Variants in TPCN2 observed in about 807,000 individuals in gnomAD.
TPCN2 encodes the protein two pore segment channel 2.
Under a neutral mutation model 111.4 loss-of-function variants are expected in TPCN2, and 92 were observed. The observed-to-expected ratio is 0.83, with a 90% CI of 0.70 to 0.98. The LOEUF (loss-of-function observed/expected upper bound fraction) is 0.98. Among genes scored for constraint, TPCN2 ranks in the 50% least tolerant of loss-of-function variants. TPCN2 has a pLI of 0.00. For missense variants in TPCN2, 995 were observed against 980.1 expected (o/e 1.02, Z -0.20); for synonymous variants, 405 against 414.5 (o/e 0.98, Z 0.28).
chr11:69,060,988 A>G (rs964029677), intron 5 of TPCN2, among the ~76,000 whole-genome samples: 6 of 152,182 alleles, frequency 3.9e-5, no homozygotes, highest in African/African-American at 7.2e-5. Flanking sequence ...ATGGTGATTC[A>G]CTTGGAGTGA....
chr11:69,055,455 C>A, intron 4 of TPCN2, 103 bp downstream of exon 4: 1 of 1,249,058 alleles, frequency 8.0e-7, no homozygotes, highest in Non-Finnish European at 1.1e-6. Context: ...CTGCCTTTTC[C>A]CCAGACTTTG....
At chr11:69,087,266 G>T (rs1334130797) in intron 24 of TPCN2, 60 bp downstream of exon 24, 5 of 1,501,916 alleles carry the variant, frequency 3.3e-6, no homozygotes, top group East Asian at 2.3e-5. Flanking sequence ...CAAGAGCTGG[G>T]GGGTGGAGGG....
intron 24 of TPCN2, 33 bp downstream of exon 24, chr11:69,087,239 C>G (rs371343687): frequency 2.5e-6 from 4 of 1,600,496 alleles, no homozygotes; most frequent in Admixed American, 1.7e-5. Context: ...TCTGTCTGGC[C>G]CCCTGGGATG....
At position 69,084,587 on chromosome 11, in the gene TPCN2, C is replaced by G. The variant is rs944839160; in HGVS notation, c.1761+571C>G. Reference sequence around the variant, plus strand: ...GCCTGTGACCAGGCAGGCCCCAGATCCGCGCCGTGCAGAGTGACAGGAGGC... The same window carrying G: ...GCCTGTGACCAGGCAGGCCCCAGATGCGCGCCGTGCAGAGTGACAGGAGGC... On this transcript the variant is annotated intron_variant, in intron 19 of 24. Transcript: ENST00000294309. The G allele has an allele frequency of 4.1e-6, 4 of 985,314 alleles. No individual in the cohort carries two copies. In the African/African-American group the frequency reaches 7.0e-5, roughly 17 times the overall value. The allele number at this position is 985,314 out of a possible 1,614,324, so 61.0% of individuals were successfully genotyped here.
chr11:69,059,440 G>T (rs1022137695), intron 5 of TPCN2, among the ~76,000 whole-genome samples: 1 of 152,212 alleles, frequency 6.6e-6, no homozygotes, highest in African/African-American at 2.4e-5. Context: ...ATCCACCTGT[G>T]CCTCTTCACC....
In TPCN2 at chr11:69,055,174, GGACTTTGA is replaced by G. The variant is rs1854700506; in HGVS notation, c.253_260del (p.Thr85LeufsTer95). On this transcript the variant is annotated frameshift_variant and splice_region_variant, in exon 4 of 25. Coordinates refer to ENST00000294309, the MANE Select transcript of TPCN2 (RefSeq NM_139075.4). LOFTEE classifies it high-confidence loss of function. ...TTTTCATGTTTCTGTCCCCTTTCCA[GGACTTTGA>G]GCTTCACCATCTTCTTGATCCTGTT... is the stretch of plus-strand genomic sequence containing the variant. The G allele has an allele frequency of 1.9e-6, 3 of 1,613,740 alleles. No homozygotes were observed. Among genetic ancestry groups the G allele is most frequent in the Non-Finnish European group, 2.5e-6 (3 of 1,179,902 alleles).
rs751114496 is a variant in TPCN2, at chr11:69,086,519, G to A, written c.2004-4G>A. 4.6e-5 allele frequency: 75 copies of A among 1,613,792 alleles called. 2 individuals carry two copies. The highest frequency in any genetic ancestry group is 1.6e-4 in the Middle Eastern group (1 of 6,080). ...TTCACAGGGTGGGTCTCTGTCCTCC[G>A]CAGGTGGTCCAAGATCTATTTTGTA... On this transcript the variant is annotated splice_region_variant and splice_polypyrimidine_tract_variant and intron_variant, in intron 22 of 24. Coordinates refer to ENST00000294309, the MANE Select transcript of TPCN2 (RefSeq NM_139075.4).
chr11:69,058,169 C>A (rs776569137), intron 5 of TPCN2, among the ~76,000 whole-genome samples: 1 of 152,214 alleles, frequency 6.6e-6, no homozygotes, highest in Non-Finnish European at 1.5e-5. Flanking sequence ...CCCAGAAGCA[C>A]CCCCTGGGCT....
chr11:69,075,328 T>G (rs1032557929), intron 13 of TPCN2, among the ~76,000 whole-genome samples: 1 of 152,236 alleles, frequency 6.6e-6, no homozygotes, highest in African/African-American at 2.4e-5. Flanking sequence ...CATGGATGTT[T>G]AAGTCTCTTA....
intron 4 of TPCN2, among the ~76,000 whole-genome samples, chr11:69,057,099 A>G (rs915734266): frequency 1.8e-4 from 28 of 152,178 alleles, no homozygotes; most frequent in African/African-American, 6.3e-4. Context: ...CGGCCTCCCA[A>G]AGTGCTGGGA....
In TPCN2 at chr11:69,085,269, T is replaced by A. The variant is rs1283761299; in HGVS notation, c.1821T>A (p.Ala607=). The change falls in exon 20 of 25, where the codon GCT becomes GCA. Residue 607 remains alanine (A), a synonymous_variant. Coordinates refer to ENST00000294309, the MANE Select transcript of TPCN2 (RefSeq NM_139075.4). ...GINLFRGVIV[A]LPGNSSLAPA... is the part of the protein sequence containing the mutation. ...ACTTGTTTAGAGGCGTCATTGTGGC[T>A]CTTCCTGGAAACAGCAGGTGAGGTG... 1 of 1,611,278 alleles carries A rather than the reference T, an allele frequency of 6.2e-7. No individual in the cohort carries two copies. Among genetic ancestry groups the A allele is most frequent in the Non-Finnish European group, 8.5e-7 (1 of 1,178,416 alleles).
chr11:69,053,148 C>T (rs10896398), intron 1 of TPCN2, among the ~76,000 whole-genome samples: 56,936 of 152,178 alleles, frequency 0.37, 12,134 homozygotes, highest in Non-Finnish European at 0.49. Flanking sequence ...GCTTCTGTGC[C>T]GCCTGACTTT....
chr11:69,058,450 C>G (rs1854872257), intron 5 of TPCN2, among the ~76,000 whole-genome samples: 1 of 152,096 alleles, frequency 6.6e-6, no homozygotes, highest in African/African-American at 2.4e-5. Context: ...GCCCTCTGTC[C>G]TCTGGGAGGG....
chr11:69,052,460 TA>T (rs1012994033), intron 1 of TPCN2, among the ~76,000 whole-genome samples: 1 of 152,204 alleles, frequency 6.6e-6, no homozygotes, highest in African/African-American at 2.4e-5. Flanking sequence ...TCAGGGGACA[TA>T]AACAGTAGCC....
chr11:69,053,818 C>T (rs1861341892), intron 1 of TPCN2, among the ~76,000 whole-genome samples: 1 of 152,224 alleles, frequency 6.6e-6, no homozygotes, highest in Non-Finnish European at 1.5e-5. Context: ...GGTGCCGTGC[C>T]CTGGGCCTGG....
intron 11 of TPCN2, among the ~76,000 whole-genome samples, 191 bp downstream of exon 11, chr11:69,072,214 C>G (rs1473703396): frequency 7.0e-6 from 1 of 142,868 alleles, no homozygotes; most frequent in Non-Finnish European, 1.6e-5. Context: ...GAGTCCATGC[C>G]TTTGTCTTCG....
chr11:69,065,244 T>C (rs1289261534), intron 7 of TPCN2, among the ~76,000 whole-genome samples: 2 of 152,188 alleles, frequency 1.3e-5, no homozygotes, highest in Non-Finnish European at 2.9e-5. Context: ...CCCTCCTCTG[T>C]GTGACCGTCC....
In TPCN2 at chr11:69,052,033, G is replaced by T. The variant is rs547548535; in HGVS notation, c.110-2000G>T. Among the ~76,000 whole-genome samples the T allele has an allele frequency of 9.2e-5, 14 of 152,264 alleles. No homozygotes were observed. In the East Asian group the frequency reaches 2.7e-3, roughly 29 times the overall value. On this transcript the variant is annotated intron_variant, in intron 1 of 24. Transcript: ENST00000294309. ...TTGGGCTGTTGCAGGGTGAAACGGAGGATGGCCAGACCCAGAATTTTACAA... is the reference window on the plus strand; with the variant it reads ...TTGGGCTGTTGCAGGGTGAAACGGATGATGGCCAGACCCAGAATTTTACAA...
rs1854833687 is a variant in TPCN2 at position 69,057,609 on chromosome 11, A to G, written c.461A>G (p.Lys154Arg). The stretch of plus-strand genomic sequence containing the variant: ...CTGTTCGGGTGGGCCCATTTCCAGA[A>G]AAACCTTTGGCTGCTGGGCTACCTC... The part of the protein sequence containing the change: ...GYLFGWAHFQ[K>R]NLWLLGYLVV... The change falls in exon 5 of 25, where the codon AAA becomes AGA. Residue 154 changes from lysine to arginine, a missense_variant. Physicochemically the swap from Lys to Arg is conservative, Grantham distance 26. Coordinates refer to ENST00000294309, the MANE Select transcript of TPCN2 (RefSeq NM_139075.4). 6.2e-7 allele frequency: 1 copy of G among 1,613,994 alleles called. No individual in the cohort carries two copies. The highest frequency in any genetic ancestry group is 1.3e-5 in the African/African-American group (1 of 74,898).
Sources: gnomAD v4.1 joint callset for allele counts (sites outside exome capture counted in the v4.1 genomes callset) on GRCh38, gnomAD v4.1.1 for gene constraint, MANE v1.5 for transcripts, NCBI Gene and HGNC (gene_info 2026-07-23, HGNC 2026-07-21) for gene names.